Variants in KCNJ6 observed in about 807,000 individuals in gnomAD.
KCNJ6 encodes the protein potassium inwardly rectifying channel subfamily J member 6.
A neutral mutation model predicts 34.2 loss-of-function variants in KCNJ6; 9 were observed. The observed-to-expected ratio is 0.26, with a 90% CI of 0.16 to 0.46. The LOEUF is 0.46. Among genes scored for constraint, KCNJ6 ranks in the 20% least tolerant of loss-of-function variants. KCNJ6 has a pLI of 1.00. For synonymous variants in KCNJ6, 196 were observed against 207.1 expected, an observed-to-expected ratio of 0.95 and a Z score of 0.46; for missense variants, 236 against 531.3, an observed-to-expected ratio of 0.44 and a Z score of 5.46.
At chr21:37,687,672 TTGC>T (rs951987699) in intron 3 of KCNJ6, among the ~76,000 whole-genome samples, 1 of 152,236 alleles carries the variant, frequency 6.6e-6, no homozygotes, top group Non-Finnish European at 1.5e-5. Flanking sequence ...CTCCCTTTAT[TTGC>T]TGCTTTGGTC....
intron 2 of KCNJ6, among the ~76,000 whole-genome samples, chr21:37,781,287 A>G (rs2055168183): frequency 6.6e-6 from 1 of 152,224 alleles, no homozygotes; most frequent in African/African-American, 2.4e-5. Flanking sequence ...ATTGTGTGAC[A>G]AATATTTTCG....
At chr21:37,755,147 A>G (rs918077499) in intron 2 of KCNJ6, among the ~76,000 whole-genome samples, 5 of 151,068 alleles carry the variant, frequency 3.3e-5, no homozygotes, top group Non-Finnish European at 7.4e-5. Context: ...GTGGATGCAG[A>G]GTCAAGATAA....
chr21:37,749,511 C>G (rs1326144256), intron 2 of KCNJ6, among the ~76,000 whole-genome samples: 2 of 152,178 alleles, frequency 1.3e-5, no homozygotes, highest in Admixed American at 6.5e-5. Context: ...TGCACCCATA[C>G]CTGGAGCCCG....
At chr21:37,886,743 C>T (rs949555474) in intron 1 of KCNJ6, among the ~76,000 whole-genome samples, 8 of 152,154 alleles carry the variant, frequency 5.3e-5, no homozygotes, top group Non-Finnish European at 1.0e-4. Flanking sequence ...CCTTCAAAGC[C>T]TAGCTGTCAC....
intron 3 of KCNJ6, among the ~76,000 whole-genome samples, chr21:37,698,453 T>G (rs1284342477): frequency 6.6e-6 from 1 of 152,266 alleles, no homozygotes; most frequent in African/African-American, 2.4e-5. Flanking sequence ...CGAAAATGTT[T>G]TCTTATGTAT....
intron 3 of KCNJ6, among the ~76,000 whole-genome samples, chr21:37,683,544 C>G (rs2054599307): frequency 6.6e-6 from 1 of 152,210 alleles, no homozygotes; most frequent in Non-Finnish European, 1.5e-5. Flanking sequence ...GATAACACTT[C>G]TCTGCTGAGG....
chr21:37,691,086 T>C (rs1033024248), intron 3 of KCNJ6, among the ~76,000 whole-genome samples: 2 of 152,226 alleles, frequency 1.3e-5, no homozygotes. Flanking sequence ...TGGCCCAGGT[T>C]ACTTTTTCAA....
chr21:37,832,599 G>C (rs1394278025), intron 2 of KCNJ6, among the ~76,000 whole-genome samples: 1 of 152,028 alleles, frequency 6.6e-6, no homozygotes, highest in African/African-American at 2.4e-5. Context: ...TGGAGGCATG[G>C]GGCAGTCATC....
chr21:37,761,578 G>A (rs1385916924), intron 2 of KCNJ6, among the ~76,000 whole-genome samples: 1 of 150,908 alleles, frequency 6.6e-6, no homozygotes, highest in Non-Finnish European at 1.5e-5. Flanking sequence ...TGTATGTAGT[G>A]TGTGTGTATA....
intron 3 of KCNJ6, among the ~76,000 whole-genome samples, chr21:37,626,784 AAAATG>A (rs2054313324): frequency 6.6e-6 from 1 of 152,254 alleles, no homozygotes; most frequent in East Asian, 1.9e-4. Context: ...GAGGCCCGTG[AAAATG>A]TTTTAACTCT....
At chr21:37,760,083 C>G (rs1036456917) in intron 2 of KCNJ6, among the ~76,000 whole-genome samples, 1 of 152,190 alleles carries the variant, frequency 6.6e-6, no homozygotes, top group African/African-American at 2.4e-5. Context: ...TTGACTCAGC[C>G]CAGTCGAGCC....
chr21:37,910,692 T>G (rs2123653830), intron 1 of KCNJ6, among the ~76,000 whole-genome samples: 1 of 152,316 alleles, frequency 6.6e-6, no homozygotes. Flanking sequence ...TGATTCCTGG[T>G]CCTAAGCACA....
intron 1 of KCNJ6, among the ~76,000 whole-genome samples, chr21:37,844,830 C>CAT (rs2055498473): frequency 6.6e-6 from 1 of 152,126 alleles, no homozygotes; most frequent in Non-Finnish European, 1.5e-5. Context: ...CAAATGCATC[C>CAT]ATGTGTCACA....
At position 37,877,969 on chromosome 21, in the gene KCNJ6, G is replaced by A. The variant is rs145670319; in HGVS notation, c.-27-37260C>T. Among the ~76,000 whole-genome samples, 1,219 of 152,322 alleles carry A rather than the reference G, an allele frequency of 8.0e-3. 12 individuals carry two copies. The highest frequency in any genetic ancestry group is 0.021 in the African/African-American group (860 of 41,572). ...TCAAGAGAAAGAAAAGGCATCATAAGACTTTTCTTAAAGAAAGTGTATGTC... is the reference window on the plus strand; with the variant it reads ...TCAAGAGAAAGAAAAGGCATCATAAAACTTTTCTTAAAGAAAGTGTATGTC... On this transcript the variant is annotated intron_variant, in intron 1 of 3. Transcript: ENST00000609713.
intron 3 of KCNJ6, among the ~76,000 whole-genome samples, chr21:37,682,357 G>A (rs975977695): frequency 6.6e-6 from 1 of 152,208 alleles, no homozygotes; most frequent in African/African-American, 2.4e-5. Flanking sequence ...GCCCAGCCGA[G>A]CCAGCAGGGT....
chr21:37,690,467 T>C (rs1294032559), intron 3 of KCNJ6, among the ~76,000 whole-genome samples: 1 of 152,140 alleles, frequency 6.6e-6, no homozygotes, highest in African/African-American at 2.4e-5. Context: ...ATGTCTACTG[T>C]GGAGCTGCAT....
chr21:37,842,298 C>A (rs2055484927), intron 1 of KCNJ6, among the ~76,000 whole-genome samples: 1 of 152,168 alleles, frequency 6.6e-6, no homozygotes, highest in African/African-American at 2.4e-5. Context: ...CCCCACGGCC[C>A]TGGTACAATG....
At chr21:37,879,553 G>A (rs1000625517) in intron 1 of KCNJ6, among the ~76,000 whole-genome samples, 8 of 152,074 alleles carry the variant, frequency 5.3e-5, no homozygotes, top group South Asian at 2.1e-4. Context: ...CAGTTCATCC[G>A]AGATCATGTC....
rs541689761 is a variant in KCNJ6, at chr21:37,709,730, C to T, written c.946+4481G>A. ...GGGTCTTGTTGAGGTTCCATTTCTT[C>T]ATCTGTGAAATGGGCAAAGATTCCC... On this transcript the variant is annotated intron_variant, in intron 3 of 3. Transcript: ENST00000609713. Among the ~76,000 whole-genome samples the T allele has an allele frequency of 2.6e-5, 4 of 152,266 alleles. No individual in the cohort carries two copies. The South Asian group carries it at 8.3e-4, about 32-fold the overall frequency.
Sources: gnomAD v4.1 joint callset for allele counts (sites outside exome capture counted in the v4.1 genomes callset) on GRCh38, gnomAD v4.1.1 for gene constraint, MANE v1.5 for transcripts, NCBI Gene and HGNC (gene_info 2026-07-23, HGNC 2026-07-21) for gene names.